ADAM32: variants seen among roughly 807,000 people sequenced by gnomAD.
The protein encoded by ADAM32 is disintegrin and metalloproteinase domain-containing protein 32.
Under a neutral mutation model 114.9 loss-of-function variants are expected in ADAM32, and 89 were observed. The observed-to-expected ratio is 0.77, with a 90% CI of 0.65 to 0.92. The LOEUF (loss-of-function observed/expected upper bound fraction) is 0.92, where lower values mean the gene tolerates loss of function less well. Among genes scored for constraint, ADAM32 ranks in the 40% least tolerant of loss-of-function variants. The probability of loss-of-function intolerance (pLI) is 0.00; values close to 1 mark genes in which losing one functional copy is unlikely to be tolerated. For missense variants in ADAM32, 870 were observed against 932.8 expected (o/e 0.93, Z 0.88); for synonymous variants, 285 against 307.5 (o/e 0.93, Z 0.77).
Position 39,257,906 on chromosome 8 carries a change from T to C in ADAM32, c.2162+563T>C, listed in dbSNP as rs183198437. On this transcript the variant is annotated intron_variant, in intron 19 of 24. Transcript: ENST00000379907. ...ATTAATATTTTTCTTGTTTCTCTTA[T>C]AAAATAAGCCATTGTATTTGCAGCT... Among the ~76,000 whole-genome samples the C allele has an allele frequency of 4.4e-3, 674 of 152,266 alleles. 31 individuals are homozygous for C. Among genetic ancestry groups the C allele is most frequent in the Admixed American group, 0.04 (613 of 15,284 alleles).
chr8:39,194,222 G>A (rs138549577), intron 11 of ADAM32, among the ~76,000 whole-genome samples: 1 of 152,174 alleles, frequency 6.6e-6, no homozygotes, highest in Admixed American at 6.5e-5. Flanking sequence ...CACTCGCGTG[G>A]TTAGCAGTGG....
chr8:39,227,585 T>C (rs1809465857), intron 14 of ADAM32, among the ~76,000 whole-genome samples: 1 of 152,054 alleles, frequency 6.6e-6, no homozygotes, highest in South Asian at 2.1e-4. Flanking sequence ...ACAACCTGCA[T>C]GACTCAGCAG....
chr8:39,275,318 TCTGTTA>T (rs1157045799), intron 21 of ADAM32, among the ~76,000 whole-genome samples: 1 of 152,244 alleles, frequency 6.6e-6, no homozygotes, highest in Non-Finnish European at 1.5e-5. Flanking sequence ...TCTCTCTCTC[TCTGTTA>T]CTATCACTAG....
chr8:39,136,658 A>AC lies in ADAM32; in HGVS notation c.140_141insC (p.Glu47AspfsTer11). On this transcript the variant is annotated frameshift_variant and splice_region_variant, in exon 3 of 25. Coordinates refer to ENST00000379907, the MANE Select transcript of ADAM32 (RefSeq NM_145004.7). LOFTEE classifies it high-confidence loss of function. ...TCTCAGTTGTTTTGAATTCTCTAGGAACAAATATCCTATATTATTCCAATA... is the reference window on the plus strand; with the variant it reads ...TCTCAGTTGTTTTGAATTCTCTAGGACACAAATATCCTATATTATTCCAATA... 6.5e-7 allele frequency: 1 copy of AC among 1,530,800 alleles called. No individual in the cohort carries two copies. The highest frequency in any genetic ancestry group is 8.8e-7 in the Non-Finnish European group (1 of 1,137,196). The allele number at this position is 1,530,800 out of a possible 1,614,324, so 94.8% of individuals were successfully genotyped here.
intron 11 of ADAM32, among the ~76,000 whole-genome samples, chr8:39,199,539 CTGTT>C (rs1354481322): frequency 1.3e-5 from 2 of 151,920 alleles, no homozygotes; most frequent in Non-Finnish European, 2.9e-5. Context: ...TTCAAGGTTT[CTGTT>C]TGATTCTTTT....
At chr8:39,115,052 A>AT (rs567847193) in intron 1 of ADAM32, among the ~76,000 whole-genome samples, 1 of 152,260 alleles carries the variant, frequency 6.6e-6, no homozygotes, top group South Asian at 2.1e-4. Flanking sequence ...ACGTGATTTC[A>AT]TTTTTTTATG....
intron 16 of ADAM32, among the ~76,000 whole-genome samples, chr8:39,235,433 C>T (rs1026307706): frequency 5.3e-5 from 8 of 151,910 alleles, no homozygotes; most frequent in South Asian, 2.1e-4. Flanking sequence ...TTTATGCATT[C>T]GAGTCATAAG....
chr8:39,266,237 G>A (rs1386740187), intron 19 of ADAM32, among the ~76,000 whole-genome samples: 2 of 152,286 alleles, frequency 1.3e-5, no homozygotes, highest in African/African-American at 4.8e-5. Context: ...AATTTTTGTG[G>A]AAGTATTCTC....
At chr8:39,218,001 A>G (rs1439242212) in intron 12 of ADAM32, among the ~76,000 whole-genome samples, 1 of 152,130 alleles carries the variant, frequency 6.6e-6, no homozygotes, top group East Asian at 1.9e-4. Context: ...ATTTGTAGCC[A>G]TCCTCCTTGG....
chr8:39,215,624 T>C (rs1036739530), intron 12 of ADAM32, among the ~76,000 whole-genome samples: 4 of 152,058 alleles, frequency 2.6e-5, no homozygotes, highest in African/African-American at 9.7e-5. Flanking sequence ...TAAATTTCCT[T>C]GTTAATCTCC....
chr8:39,122,883 G>A (rs929961698), intron 2 of ADAM32, among the ~76,000 whole-genome samples: 9 of 152,174 alleles, frequency 5.9e-5, no homozygotes. Context: ...AATTTCTGTT[G>A]TTAATGTCAC....
At chr8:39,193,949 T>C (rs373137585) in intron 11 of ADAM32, among the ~76,000 whole-genome samples, 1 of 152,176 alleles carries the variant, frequency 6.6e-6, no homozygotes, top group African/African-American at 2.4e-5. Flanking sequence ...CCTAGGGCAG[T>C]GGCAGCAGGA....
intron 3 of ADAM32, among the ~76,000 whole-genome samples, chr8:39,139,242 T>G (rs1187327990): frequency 2.6e-5 from 4 of 152,226 alleles, no homozygotes. Flanking sequence ...AGTTGTGAAG[T>G]CTTTGCCTAT....
In ADAM32 at chr8:39,111,108, GTATATATT is replaced by G. The variant is rs542620267; in HGVS notation, c.58+3276_58+3283del. ...TTTTGTGACTGAATAATATTTCATT[GTATATATT>G]CACCCGTTTGTTTACTGATTCATCA... On this transcript the variant is annotated intron_variant, in intron 1 of 24. Transcript: ENST00000379907. Among the ~76,000 whole-genome samples the G allele has an allele frequency of 3.2e-4, 49 of 152,238 alleles. No homozygotes were observed. The East Asian group carries it at 9.1e-3, about 28-fold the overall frequency.
In ADAM32 at chr8:39,155,419, C is replaced by T. The variant is rs960987128; in HGVS notation, c.525+3871C>T. On this transcript the variant is annotated intron_variant, in intron 6 of 24. Transcript: ENST00000379907. ...TAGTAACAGAGGCAGTATAGCTCTACCTTTATGTGACAATAGCATGACATT... is the reference window on the plus strand; with the variant it reads ...TAGTAACAGAGGCAGTATAGCTCTATCTTTATGTGACAATAGCATGACATT... Among the ~76,000 whole-genome samples the T allele has an allele frequency of 8.5e-5, 13 of 152,302 alleles. 1 individual carries two copies. Among genetic ancestry groups the T allele is most frequent in the African/African-American group, 3.1e-4 (13 of 41,572 alleles).
In ADAM32 at chr8:39,187,333, G is replaced by A. The variant is rs145860312; in HGVS notation, c.1052+288G>A. 2.6e-4 allele frequency among the ~76,000 whole-genome samples: 39 copies of A among 152,220 alleles called. No individual in the cohort carries two copies. The East Asian group carries it at 6.0e-3, about 23-fold the overall frequency. On this transcript the variant is annotated intron_variant, in intron 11 of 24. Transcript: ENST00000379907. ...TTCGCCCAGGCCAGACTGCAGTGGC[G>A]CTGTCTCGGCTCACTGCAAGCTCTG...
intron 23 of ADAM32, among the ~76,000 whole-genome samples, 176 bp from the exon 24 acceptor site, chr8:39,283,410 C>CT (rs1166374879): frequency 1.0e-5 from 1 of 96,774 alleles, no homozygotes; most frequent in Non-Finnish European, 1.9e-5. Context: ...AACTCCATCT[C>CT]TAAAAAAAAA....
intron 6 of ADAM32, among the ~76,000 whole-genome samples, chr8:39,159,617 G>A (rs964528336): frequency 5.9e-5 from 9 of 151,988 alleles, no homozygotes; most frequent in Admixed American, 3.3e-4. Context: ...TTTCTTGTCC[G>A]TTTTTCCTTG....
At chr8:39,171,361 G>GT (rs1162120282) in intron 10 of ADAM32, among the ~76,000 whole-genome samples, 1 of 152,160 alleles carries the variant, frequency 6.6e-6, no homozygotes, top group East Asian at 1.9e-4. Flanking sequence ...AATGGTATAT[G>GT]TTTGAGGTTA....
Sources: gnomAD v4.1 joint callset for allele counts (sites outside exome capture counted in the v4.1 genomes callset) on GRCh38, gnomAD v4.1.1 for gene constraint, MANE v1.5 for transcripts, NCBI Gene and HGNC (gene_info 2026-07-23, HGNC 2026-07-21) for gene names.